The following HCRTR2 variants were observed in gnomAD, a reference collection of about 807,000 sequenced individuals.
The protein encoded by HCRTR2 is orexin receptor type 2.
HCRTR2 carries 22 observed loss-of-function variants against 49.0 expected under a neutral mutation model. The ratio of observed to expected loss-of-function variants is 0.45; its 90% confidence interval spans 0.32 to 0.64. The LOEUF (loss-of-function observed/expected upper bound fraction) is 0.64. HCRTR2 is among the 30% of genes least tolerant of loss of function. The pLI, the probability that HCRTR2 is intolerant of heterozygous loss-of-function variation, is 0.04. For synonymous variants in HCRTR2, 236 were observed against 205.3 expected, an observed-to-expected ratio of 1.15 and a Z score of -1.28; for missense variants, 491 against 559.4, an observed-to-expected ratio of 0.88 and a Z score of 1.23.
rs1469038931 is a variant in HCRTR2, at chr6:55,174,553, T to C, written c.-35T>C. 1.3e-6 allele frequency: 2 copies of C among 1,552,122 alleles called. No individual in the cohort carries two copies. The highest frequency in any genetic ancestry group is 1.8e-6 in the Non-Finnish European group (2 of 1,123,902). On this transcript the variant is annotated 5_prime_UTR_variant, in exon 1 of 7. Coordinates refer to ENST00000370862, the MANE Select transcript of HCRTR2 (RefSeq NM_001384272.1). ...GCTCATGGGGCAGGCGGAGAGGAGC[T>C]TGCAGCATTGAGCGGAACCGGACTT...
intron 3 of HCRTR2, among the ~76,000 whole-genome samples, chr6:55,259,036 G>T (rs1766705896): frequency 6.6e-6 from 1 of 152,104 alleles, no homozygotes; most frequent in African/African-American, 2.4e-5. Context: ...GGGCAAAAGA[G>T]CAAGACACCA....
intron 1 of HCRTR2, among the ~76,000 whole-genome samples, chr6:55,233,090 A>C (rs190406132): frequency 8.9e-5 from 13 of 145,692 alleles, no homozygotes; most frequent in Admixed American, 2.1e-4. Flanking sequence ...AAATGAATAA[A>C]GCTGCTTTTT....
At chr6:55,243,001 G>A (rs1198222833) in intron 1 of HCRTR2, among the ~76,000 whole-genome samples, 1 of 152,158 alleles carries the variant, frequency 6.6e-6, no homozygotes, top group Admixed American at 6.5e-5. Context: ...GATCATGGCT[G>A]CAGATGTTTT....
chr6:55,176,898 AT>A (rs1048669099), intron 1 of HCRTR2, among the ~76,000 whole-genome samples: 8 of 152,118 alleles, frequency 5.3e-5, no homozygotes, highest in African/African-American at 1.9e-4. Flanking sequence ...AGAAGCAGTA[AT>A]TTTTTTATGA....
At chr6:55,159,964 T>C (rs888528538) in intron 1 of HCRTR2, among the ~76,000 whole-genome samples, 1 of 152,142 alleles carries the variant, frequency 6.6e-6, no homozygotes, top group Admixed American at 6.5e-5. Flanking sequence ...CAGGCCAACA[T>C]TTAAATTCAG....
upstream of HCRTR2, chr6:55,174,503 GC>G (rs1325110761): frequency 3.4e-6 from 4 of 1,175,768 alleles, no homozygotes; most frequent in African/African-American, 6.0e-5. Context: ...TCTCCGCGCA[GC>G]CTTTCCCACC....
intron 1 of HCRTR2, among the ~76,000 whole-genome samples, chr6:55,186,441 A>T (rs1368790103): frequency 6.6e-6 from 1 of 152,174 alleles, no homozygotes; most frequent in East Asian, 1.9e-4. Flanking sequence ...ACCATTTGAA[A>T]ATCTTTCCCC....
intron 1 of HCRTR2, among the ~76,000 whole-genome samples, chr6:55,196,794 A>G (rs1331906837): frequency 6.6e-6 from 1 of 152,196 alleles, no homozygotes; most frequent in African/African-American, 2.4e-5. Context: ...TCTTTGACAT[A>G]GTTTACACTT....
intron 1 of HCRTR2, among the ~76,000 whole-genome samples, chr6:55,192,256 T>C (rs938380397): frequency 6.6e-6 from 1 of 152,140 alleles, no homozygotes; most frequent in Admixed American, 6.5e-5. Flanking sequence ...TGGCTTTTGC[T>C]AAGAAAGTAA....
intron 1 of HCRTR2, among the ~76,000 whole-genome samples, chr6:55,157,633 C>T (rs986470636): frequency 1.3e-4 from 19 of 150,866 alleles, no homozygotes; most frequent in Non-Finnish European, 2.4e-4. Context: ...AGGGTGGTAA[C>T]CACATGGGTG....
At chr6:55,245,467 TTTTATATATATA>T (rs1211900071) in intron 1 of HCRTR2, among the ~76,000 whole-genome samples, 2,844 of 101,346 alleles carry the variant, frequency 0.028, 205 homozygotes, top group African/African-American at 0.12. Context: ...CATAGGAAGA[TTTTATATATATA>T]TATATATATA....
rs771738008 is a variant in HCRTR2 at position 55,248,867 on chromosome 6, A to G, written c.402+50A>G. On this transcript the variant is annotated intron_variant, in intron 2 of 6. Transcript: ENST00000370862. Reference sequence around the variant, plus strand: ...AAGCTACTAAAAAGAATGTTCAGCCATAGCGATGGCCCTTATGGTAAATTA... The same window carrying G: ...AAGCTACTAAAAAGAATGTTCAGCCGTAGCGATGGCCCTTATGGTAAATTA... 44 of 1,455,454 alleles carry G rather than the reference A, an allele frequency of 3.0e-5. No individual in the cohort carries two copies. The East Asian group carries it at 9.7e-4, about 32-fold the overall frequency. 90.2% of individuals were successfully genotyped at this position (1,455,454 alleles called of 1,614,324 possible).
intron 4 of HCRTR2, among the ~76,000 whole-genome samples, chr6:55,267,634 T>G (rs1766887172): frequency 6.6e-6 from 1 of 152,140 alleles, no homozygotes; most frequent in Admixed American, 6.5e-5. Context: ...TCAGCTATGG[T>G]GTGAGGTACT....
chr6:55,220,244 A>G (rs143780786), intron 1 of HCRTR2, among the ~76,000 whole-genome samples: 1 of 152,166 alleles, frequency 6.6e-6, no homozygotes, highest in East Asian at 1.9e-4. Context: ...ATTACAACGA[A>G]CACACACACT....
At chr6:55,116,315 G>A (rs1373456898) in intron 1 of HCRTR2, among the ~76,000 whole-genome samples, 2 of 151,646 alleles carry the variant, frequency 1.3e-5, no homozygotes, top group Non-Finnish European at 3.0e-5. Context: ...TATTTGAGTC[G>A]ACTAATTTTT....
intron 1 of HCRTR2, among the ~76,000 whole-genome samples, chr6:55,220,927 G>A (rs1765877677): frequency 1.3e-5 from 2 of 152,014 alleles, no homozygotes; most frequent in South Asian, 2.1e-4. Flanking sequence ...CTCTGAAAAA[G>A]ACATTACAAT....
intron 1 of HCRTR2, among the ~76,000 whole-genome samples, chr6:55,209,225 T>C (rs1428539879): frequency 6.6e-6 from 1 of 152,092 alleles, no homozygotes; most frequent in Non-Finnish European, 1.5e-5. Flanking sequence ...AACTAGTGAG[T>C]CATATAACAA....
chr6:55,240,068 C>T (rs144888598), intron 1 of HCRTR2, among the ~76,000 whole-genome samples: 3 of 151,956 alleles, frequency 2.0e-5, no homozygotes, highest in Non-Finnish European at 2.9e-5. Flanking sequence ...TGAGCCACCG[C>T]GCCCGGCCAG....
At chr6:55,184,461 A>C (rs1765183950) in intron 1 of HCRTR2, among the ~76,000 whole-genome samples, 1 of 152,232 alleles carries the variant, frequency 6.6e-6, no homozygotes, top group African/African-American at 2.4e-5. Context: ...AATATTAAAA[A>C]TTTGAGATCT....
Sources: allele counts gnomAD v4.1 joint callset (sites outside exome capture counted in the v4.1 genomes callset), GRCh38; gene constraint gnomAD v4.1.1; transcripts MANE v1.5; gene names NCBI Gene and HGNC (gene_info 2026-07-23, HGNC 2026-07-21).